SLIT2: variants seen among roughly 807,000 people sequenced by gnomAD.
SLIT2 encodes slit guidance ligand 2, also known as slit homolog 2 protein.
Under a neutral mutation model 185.7 loss-of-function variants are expected in SLIT2, and 41 were observed. The observed-to-expected ratio is 0.22, with a 90% confidence interval of 0.17 to 0.29. SLIT2 has a LOEUF of 0.29. Ranked by LOEUF, SLIT2 falls within the 10% of genes least tolerant of loss-of-function variation. The probability of loss-of-function intolerance (pLI) is 1.00; values close to 1 mark genes in which losing one functional copy is unlikely to be tolerated. For missense variants in SLIT2, 1,571 were observed against 1,909.0 expected (o/e 0.82, Z 3.30); for synonymous variants, 693 against 680.2 (o/e 1.02, Z -0.29).
rs1553915372 is a variant in SLIT2, at chr4:20,511,592, T to TTTTTTTTTTTTTA, written c.1058+466_1058+467insTATTTTTTTTTTT. Reference sequence around the variant, plus strand: ...CCTGCCACCACATCCAGCTAATTTTTTTTTTTTTTTTATTTTTGGTAGAGA... The same window carrying TTTTTTTTTTTTTA: ...CCTGCCACCACATCCAGCTAATTTTTTTTTTTTTTTTTATTTTTTTTTTTATTTTTGGTAGAGA... On this transcript the variant is annotated intron_variant, in intron 11 of 36. Transcript: ENST00000504154. 3.0e-5 allele frequency among the ~76,000 whole-genome samples: 4 copies of TTTTTTTTTTTTTA among 133,438 alleles called. 1 individual carries two copies. The South Asian group carries it at 1.0e-3, about 33-fold the overall frequency. The allele number at this position is 133,438 out of a possible 152,430, so 87.5% of individuals were successfully genotyped here. A position where few individuals can be genotyped will look rare whatever the true frequency, so the allele number is the denominator to read the frequency against.
chr4:20,519,491 A>C (rs536765272), intron 12 of SLIT2, 38 bp downstream of exon 12: 3 of 1,205,774 alleles, frequency 2.5e-6, no homozygotes, highest in East Asian at 4.7e-5. Flanking sequence ...CGAGCCTAAT[A>C]ATATATATTA....
chr4:20,606,298 T>A (rs551057030), intron 33 of SLIT2, among the ~76,000 whole-genome samples: 8 of 152,188 alleles, frequency 5.3e-5, no homozygotes, highest in African/African-American at 1.7e-4. Flanking sequence ...CTGGGAAACA[T>A]GGCAATACCC....
intron 3 of SLIT2, among the ~76,000 whole-genome samples, chr4:20,261,346 T>C (rs1712450938): frequency 1.3e-5 from 2 of 151,936 alleles, no homozygotes; most frequent in African/African-American, 4.8e-5. Flanking sequence ...TTAGGAAGTA[T>C]ATTTCTTTTA....
Position 20,306,844 on chromosome 4 carries a change from C to G in SLIT2, c.395+37963C>G, listed in dbSNP as rs554372177. Among the ~76,000 whole-genome samples, 14 of 152,256 alleles carry G rather than the reference C, an allele frequency of 9.2e-5. 1 individual carries two copies. Among genetic ancestry groups the G allele is most frequent in the Admixed American group, 6.5e-4 (10 of 15,296 alleles). ...CTGGTATTTCCCCAACCAAAGAAAG[C>G]TGAATCCTTGCTTGCATTCTCCATA... On this transcript the variant is annotated intron_variant, in intron 4 of 36. Transcript: ENST00000504154.
chr4:20,519,989 GCGCCA>G (rs1720682182), intron 12 of SLIT2, among the ~76,000 whole-genome samples: 1 of 139,972 alleles, frequency 7.1e-6, no homozygotes, highest in African/African-American at 2.7e-5. Flanking sequence ...AGCAGAGATC[GCGCCA>G]CTGCACTCCA....
intron 26 of SLIT2, among the ~76,000 whole-genome samples, chr4:20,561,575 A>G (rs1172085745): frequency 1.3e-5 from 2 of 151,790 alleles, no homozygotes; most frequent in Non-Finnish European, 2.9e-5. Context: ...TATTTAGATC[A>G]GTTTTGAAGC....
At chr4:20,376,104 T>G (rs1221730482) in intron 4 of SLIT2, among the ~76,000 whole-genome samples, 4 of 145,524 alleles carry the variant, frequency 2.7e-5, no homozygotes, top group Admixed American at 6.9e-5. Flanking sequence ...GAGAAGAATA[T>G]CATTGTTTAA....
intron 4 of SLIT2, among the ~76,000 whole-genome samples, chr4:20,441,831 A>T (rs1292368008): frequency 1.3e-5 from 2 of 152,126 alleles, no homozygotes; most frequent in Admixed American, 1.3e-4. Context: ...TAACCATTTT[A>T]TTCTCACTCT....
intron 4 of SLIT2, among the ~76,000 whole-genome samples, chr4:20,348,365 A>C (rs963010742): frequency 3.3e-5 from 5 of 151,618 alleles, no homozygotes; most frequent in African/African-American, 9.7e-5. Flanking sequence ...CAGCCTCCCA[A>C]GTAGCCGGGA....
intron 32 of SLIT2, 108 bp downstream of exon 32, chr4:20,596,763 A>T: frequency 4.6e-6 from 5 of 1,089,142 alleles, no homozygotes; most frequent in Non-Finnish European, 6.4e-6. Context: ...TTAAATAGAC[A>T]GTTAAAAACA....
At chr4:20,556,620 C>T (rs1271983718) in intron 26 of SLIT2, among the ~76,000 whole-genome samples, 1 of 151,970 alleles carries the variant, frequency 6.6e-6, no homozygotes, top group Admixed American at 6.6e-5. Context: ...TTCTCTGAGA[C>T]CCAACAATAC....
chr4:20,539,664 T>G, intron 19 of SLIT2, 80 bp downstream of exon 19: 1 of 920,428 alleles, frequency 1.1e-6, no homozygotes, highest in South Asian at 3.0e-5. Context: ...TTATTAAGCA[T>G]TTCATTAAAA....
At chr4:20,556,915 T>A (rs187297508) in intron 26 of SLIT2, among the ~76,000 whole-genome samples, 1 of 152,162 alleles carries the variant, frequency 6.6e-6, no homozygotes, top group Non-Finnish European at 1.5e-5. Context: ...ACAGCCTTAT[T>A]GCTGATATGG....
At chr4:20,303,871 T>G (rs1341205366) in intron 4 of SLIT2, among the ~76,000 whole-genome samples, 2 of 151,976 alleles carry the variant, frequency 1.3e-5, no homozygotes, top group East Asian at 3.9e-4. Context: ...CAAAGGTGAG[T>G]AGGTGGTAAG....
chr4:20,370,146 C>T (rs1399481326), intron 4 of SLIT2, among the ~76,000 whole-genome samples: 1 of 152,008 alleles, frequency 6.6e-6, no homozygotes, highest in Non-Finnish European at 1.5e-5. Flanking sequence ...TTGAGAACCC[C>T]CTACCTTACA....
rs1191264409 is a variant in SLIT2, at chr4:20,616,932, G to T, written c.3870G>T (p.Val1290=). ...YVGGMPGKSN[V]ASLRQAPGQN... The stretch of plus-strand genomic sequence containing the variant: ...CAGGCATGCCAGGGAAGAGTAACGT[G>T]GCATCTCTGCGCCAGGCCCCTGGGC... The change falls in exon 35 of 37, where the codon GTG becomes GTT. Residue 1290 remains valine, a synonymous_variant. Transcript: ENST00000504154. 1 of 1,604,110 alleles carries T rather than the reference G, an allele frequency of 6.2e-7. No homozygotes were observed. Among genetic ancestry groups the T allele is most frequent in the East Asian group, 2.2e-5 (1 of 44,584 alleles).
intron 4 of SLIT2, among the ~76,000 whole-genome samples, chr4:20,275,726 C>A (rs577575341): frequency 6.6e-6 from 1 of 152,126 alleles, no homozygotes; most frequent in Non-Finnish European, 1.5e-5. Context: ...GAGATCTCTT[C>A]ATGCTCTCCC....
At chr4:20,391,641 A>G (rs570408660) in intron 4 of SLIT2, among the ~76,000 whole-genome samples, 2 of 152,250 alleles carry the variant, frequency 1.3e-5, no homozygotes, top group Admixed American at 6.6e-5. Flanking sequence ...TGATTCAACC[A>G]TACAATACTG....
intron 9 of SLIT2, among the ~76,000 whole-genome samples, chr4:20,510,280 A>C (rs1212402434): frequency 6.6e-6 from 1 of 152,196 alleles, no homozygotes; most frequent in African/African-American, 2.4e-5. Context: ...AAAAATCTGA[A>C]TATTTTAATT....
Sources: gnomAD v4.1 joint callset for allele counts (sites outside exome capture counted in the v4.1 genomes callset) on GRCh38, gnomAD v4.1.1 for gene constraint, MANE v1.5 for transcripts, NCBI Gene and HGNC (gene_info 2026-07-23, HGNC 2026-07-21) for gene names.